Variants in ZFHX4 observed in about 807,000 individuals in gnomAD.
ZFHX4 encodes zinc finger homeobox protein 4.
ZFHX4 carries 56 observed loss-of-function variants against 267.6 expected under a neutral mutation model. The ratio of observed to expected loss-of-function variants is 0.21; its 90% CI spans 0.17 to 0.26. ZFHX4 has a LOEUF of 0.26. Among genes scored for constraint, ZFHX4 ranks in the 10% least tolerant of loss-of-function variants. ZFHX4 has a pLI of 1.00. For synonymous variants in ZFHX4, 1,778 were observed against 1,665.6 expected (o/e 1.07, Z -1.64); for missense variants, 4,332 against 4,420.0 (o/e 0.98, Z 0.56).
chr8:76,783,113 C>G (rs766435971), intron 4 of ZFHX4, among the ~76,000 whole-genome samples: 27 of 151,910 alleles, frequency 1.8e-4, no homozygotes, highest in Non-Finnish European at 2.9e-4. Flanking sequence ...CATGGCCTCA[C>G]GAAATGGCAT....
intron 3 of ZFHX4, among the ~76,000 whole-genome samples, chr8:76,736,300 T>A (rs1351534448): frequency 6.6e-6 from 1 of 152,080 alleles, no homozygotes; most frequent in Non-Finnish European, 1.5e-5. Context: ...GATAAACTTG[T>A]GTTTTGAATT....
At chr8:76,761,122 T>C (rs1809902301) in intron 3 of ZFHX4, among the ~76,000 whole-genome samples, 1 of 152,130 alleles carries the variant, frequency 6.6e-6, no homozygotes, top group South Asian at 2.1e-4. Context: ...AATTAAGTGA[T>C]TAAACTTGTT....
intron 6 of ZFHX4, among the ~76,000 whole-genome samples, chr8:76,845,731 A>G (rs1812348554): frequency 6.6e-6 from 1 of 152,030 alleles, no homozygotes; most frequent in African/African-American, 2.4e-5. Flanking sequence ...ATTGAAAATT[A>G]TTAAGAAGGC....
chr8:76,833,411 T>C lies in ZFHX4; in HGVS notation c.3394+5T>C, dbSNP rs767727006. 1.1e-5 allele frequency: 17 copies of C among 1,598,992 alleles called. No individual in the cohort carries two copies. The highest frequency in any genetic ancestry group is 1.3e-5 in the Non-Finnish European group (15 of 1,171,124). On this transcript the variant is annotated splice_donor_5th_base_variant and intron_variant, in intron 5 of 10. Coordinates refer to ENST00000651372, the MANE Select transcript of ZFHX4 (RefSeq NM_024721.5). ...AGCAGTTGAGATCGACCTCAGGTAATGGTTCCTACTCCTTCTCAAAATATT... is the reference window on the plus strand; with the variant it reads ...AGCAGTTGAGATCGACCTCAGGTAACGGTTCCTACTCCTTCTCAAAATATT...
At chr8:76,756,831 C>CATG (rs151181330) in intron 3 of ZFHX4, among the ~76,000 whole-genome samples, 2,577 of 152,176 alleles carry the variant, frequency 0.017, 77 homozygotes, top group African/African-American at 0.057. Flanking sequence ...TTTTTCATCC[C>CATG]ATGATGTGTT....
chr8:76,842,796 C>T (rs544443560), intron 6 of ZFHX4, 25 bp downstream of exon 6: 340 of 1,500,632 alleles, frequency 2.3e-4, no homozygotes, highest in Non-Finnish European at 2.9e-4. Flanking sequence ...TCTTTCACCT[C>T]GGCATTTCCC....
At chr8:76,755,474 T>C (rs765114400) in intron 3 of ZFHX4, among the ~76,000 whole-genome samples, 17 of 152,174 alleles carry the variant, frequency 1.1e-4, no homozygotes, top group Non-Finnish European at 2.2e-4. Flanking sequence ...CATTAAGTCT[T>C]CTATGGCATC....
At chr8:76,835,241 G>GTATATATATA (rs144954045) in intron 5 of ZFHX4, among the ~76,000 whole-genome samples, 5 of 42,646 alleles carry the variant, frequency 1.2e-4, no homozygotes, top group South Asian at 6.5e-4. Flanking sequence ...ATATATATAT[G>GTATATATATA]TATATATATA....
chr8:76,729,721 A>C (rs1808947837), intron 3 of ZFHX4, among the ~76,000 whole-genome samples: 2 of 152,174 alleles, frequency 1.3e-5, no homozygotes, highest in African/African-American at 4.8e-5. Flanking sequence ...CTATTGCATC[A>C]GCATGAACAA....
intron 3 of ZFHX4, among the ~76,000 whole-genome samples, chr8:76,768,731 T>C (rs1810175188): frequency 6.6e-6 from 1 of 152,078 alleles, no homozygotes; most frequent in Admixed American, 6.6e-5. Flanking sequence ...TTGTTAGACA[T>C]GCAGTATAGG....
intron 4 of ZFHX4, among the ~76,000 whole-genome samples, chr8:76,788,948 A>G (rs1475844470): frequency 6.6e-6 from 1 of 152,264 alleles, no homozygotes; most frequent in Non-Finnish European, 1.5e-5. Flanking sequence ...AATTAGATTA[A>G]TAAAATAGTT....
In ZFHX4 at chr8:76,706,081, G is replaced by A; in HGVS notation, c.1993G>A (p.Glu665Lys). ...GCAGACCCTGGAGGCCCATATGAAG[G>A]AGAAACACCCTGAGCCGGGTGGCTC... Reference protein sequence around the residue: ...YQQTLEAHMKEKHPEPGGSCV... With the variant: ...YQQTLEAHMKKKHPEPGGSCV... The change falls in exon 2 of 11, where the codon GAG becomes AAG. Residue 665 changes from glutamate (E) to lysine (K), a missense_variant. Glu to Lys is a moderately conservative substitution (Grantham distance 56). Coordinates refer to ENST00000651372, the MANE Select transcript of ZFHX4 (RefSeq NM_024721.5). 6.2e-7 allele frequency: 1 copy of A among 1,613,660 alleles called. No individual in the cohort carries two copies. The highest frequency in any genetic ancestry group is 8.5e-7 in the Non-Finnish European group (1 of 1,179,804).
chr8:76,684,365 C>T (rs1379893336), intron 1 of ZFHX4, among the ~76,000 whole-genome samples: 3 of 152,180 alleles, frequency 2.0e-5, no homozygotes, highest in East Asian at 3.8e-4. Flanking sequence ...TAACCTCTTG[C>T]ACCTGGCTTC....
chr8:76,805,681 C>T (rs1811226985), intron 4 of ZFHX4, among the ~76,000 whole-genome samples: 1 of 151,582 alleles, frequency 6.6e-6, no homozygotes, highest in Non-Finnish European at 1.5e-5. Context: ...ATAGTTTGCA[C>T]ACATCATGTC....
chr8:76,698,693 GAAAACAGAGA>G lies in ZFHX4; in HGVS notation c.-46-5344_-46-5335del, dbSNP rs1394420957. The stretch of plus-strand genomic sequence containing the variant: ...CAGATTTTAATGAGAAAAATGAGAG[GAAAACAGAGA>G]AAAACGACTTAGTTGGCTCACATAC... On this transcript the variant is annotated intron_variant, in intron 1 of 10. Transcript: ENST00000651372. Among the ~76,000 whole-genome samples the G allele has an allele frequency of 4.0e-5, 6 of 150,530 alleles. No homozygotes were observed. In the Admixed American group the frequency reaches 4.0e-4, roughly 10 times the overall value.
At chr8:76,684,022 C>G (rs1401018946) in intron 1 of ZFHX4, 2 of 151,486 alleles carry the variant, frequency 1.3e-5, no homozygotes, top group African/African-American at 4.8e-5. Context: ...ACTGACAGAG[C>G]AAGCTCAGAC....
intron 4 of ZFHX4, among the ~76,000 whole-genome samples, chr8:76,785,264 A>G (rs1379409307): frequency 6.6e-6 from 1 of 152,110 alleles, no homozygotes; most frequent in East Asian, 1.9e-4. Context: ...AAATCTGTAT[A>G]TTAGTTAAAA....
chr8:76,759,293 T>C (rs1229656645), intron 3 of ZFHX4, among the ~76,000 whole-genome samples: 1 of 152,204 alleles, frequency 6.6e-6, no homozygotes, highest in Non-Finnish European at 1.5e-5. Flanking sequence ...TATTCCCCCG[T>C]TTGCTATTTT....
chr8:76,709,272 C>A (rs1167758768), intron 3 of ZFHX4, among the ~76,000 whole-genome samples: 4 of 152,140 alleles, frequency 2.6e-5, no homozygotes, highest in African/African-American at 9.7e-5. Flanking sequence ...GAATTTGTAG[C>A]ACTCTTCCTG....
Sources: allele counts gnomAD v4.1 joint callset (sites outside exome capture counted in the v4.1 genomes callset), GRCh38; gene constraint gnomAD v4.1.1; transcripts MANE v1.5; gene names NCBI Gene and HGNC (gene_info 2026-07-23, HGNC 2026-07-21).